Variants in SLC12A3 observed in about 807,000 individuals in gnomAD.
The protein encoded by SLC12A3 is solute carrier family 12 member 3, also known as Na-Cl cotransporter.
In SLC12A3, 104 loss-of-function variants were observed where a neutral mutation model predicts 121.0. The observed-to-expected ratio is 0.86, with a 90% CI of 0.73 to 1.01. The LOEUF is 1.01. Among genes scored for constraint, SLC12A3 ranks in the 50% least tolerant of loss-of-function variants. The pLI, the probability that SLC12A3 is intolerant of heterozygous loss-of-function variation, is 0.00. For synonymous variants in SLC12A3, 536 were observed against 533.4 expected (o/e 1.00, Z -0.07); for missense variants, 1,328 against 1,356.3 (o/e 0.98, Z 0.33).
In SLC12A3 at chr16:56,882,476, G is replaced by A. The variant is rs563131364; in HGVS notation, c.1648G>A (p.Ala550Thr). The change falls in exon 13 of 26, where the codon GCC (alanine) becomes ACC (threonine). Residue 550 changes from alanine to threonine, a missense_variant. Coordinates refer to ENST00000563236, the MANE Select transcript of SLC12A3 (RefSeq NM_001126108.2). ...YALINFSCFH[A>T]SITNSPGWRP... ...CCTCATCAACTTCAGCTGCTTCCACGCCTCCATCACCAACTCGCCTGGTAA... is the reference window on the plus strand; with the variant it reads ...CCTCATCAACTTCAGCTGCTTCCACACCTCCATCACCAACTCGCCTGGTAA... 1.4e-4 allele frequency: 222 copies of A among 1,613,764 alleles called. No homozygotes were observed. Among genetic ancestry groups the A allele is most frequent in the Admixed American group, 1.2e-3 (72 of 60,000 alleles).
At chr16:56,881,994 A>G (rs1260299948) in intron 12 of SLC12A3, among the ~76,000 whole-genome samples, 1 of 151,394 alleles carries the variant, frequency 6.6e-6, no homozygotes, top group African/African-American at 2.4e-5. Context: ...GGTTGCAGTG[A>G]GCCGAGATCA....
In SLC12A3 at chr16:56,865,428, C is replaced by G. The variant is rs1964329481; in HGVS notation, c.193C>G (p.Pro65Ala). 1 of 1,614,040 alleles carries G rather than the reference C, an allele frequency of 6.2e-7. No homozygotes were observed. The highest frequency in any genetic ancestry group is 1.3e-5 in the African/African-American group (1 of 74,938). ...TFGYNTIDVV[P>A]TYEHYANSTQ... ...TGGCTACAACACGATCGATGTGGTGCCCACATATGAGCACTATGCCAACAG... is the reference window on the plus strand; with the variant it reads ...TGGCTACAACACGATCGATGTGGTGGCCACATATGAGCACTATGCCAACAG... The change falls in exon 1 of 26, where the codon CCC (proline) becomes GCC (alanine). Residue 65 changes from proline (P) to alanine (A), a missense_variant. By Grantham distance (27) the Pro-to-Ala change is conservative (BLOSUM62 -1). Transcript: ENST00000563236.
chr16:56,889,694 C>T lies in SLC12A3; in HGVS notation c.2286-580C>T, dbSNP rs567865573. Reference sequence around the variant, plus strand: ...TTTGCCATGTTGGCCAGGCTGGTCTCGAACTCCTGACCTCAGGTGATCCGC... The same window carrying T: ...TTTGCCATGTTGGCCAGGCTGGTCTTGAACTCCTGACCTCAGGTGATCCGC... On this transcript the variant is annotated intron_variant, in intron 18 of 25. Coordinates refer to ENST00000563236, the MANE Select transcript of SLC12A3 (RefSeq NM_001126108.2). 2.6e-5 allele frequency among the ~76,000 whole-genome samples: 4 copies of T among 152,252 alleles called. No individual in the cohort carries two copies. The East Asian group carries it at 7.7e-4, about 29-fold the overall frequency.
intron 11 of SLC12A3, 113 bp downstream of exon 11, chr16:56,879,762 G>C (rs2044510896): frequency 1.3e-6 from 1 of 785,662 alleles, no homozygotes; most frequent in African/African-American, 1.7e-5. Context: ...TCATTAGACT[G>C]GGGTCTCTAG....
At position 56,865,278 on chromosome 16, in the gene SLC12A3, T is replaced by C. The variant is rs2144677701; in HGVS notation, c.43T>C (p.Leu15=). 1.9e-6 allele frequency: 3 copies of C among 1,613,926 alleles called. No individual in the cohort carries two copies. Among genetic ancestry groups the C allele is most frequent in the Non-Finnish European group, 2.5e-6 (3 of 1,180,040 alleles). ...AACAGAGACGCCTGGGGACGCCACT[T>C]TGTGCAGCGGGCGCTTCACCATCAG... is the stretch of plus-strand genomic sequence containing the variant. The part of the protein sequence containing the change: ...PTTETPGDAT[L]CSGRFTISTL... Residue 15 remains leucine, a synonymous_variant, in exon 1 of 26, where the codon TTG becomes CTG. Transcript: ENST00000563236.
chr16:56,912,102 G>A (rs1233092046), intron 25 of SLC12A3, among the ~76,000 whole-genome samples: 1 of 152,276 alleles, frequency 6.6e-6, no homozygotes, highest in African/African-American at 2.4e-5. Flanking sequence ...CTGTGAAGGA[G>A]CGCGGTGCTG....
In SLC12A3 at chr16:56,913,341, T is replaced by G; in HGVS notation, c.3002T>G (p.Leu1001Arg). ...MAWLETLSQDLRPPVILIRGN... is the reference protein window; with the variant it reads ...MAWLETLSQDRRPPVILIRGN... The stretch of plus-strand genomic sequence containing the variant: ...TGGCTGGAGACCCTGTCCCAGGACC[T>G]CAGACCTCCAGTCATCCTGATCCGA... The change falls in exon 26 of 26, where the codon CTC (leucine) becomes CGC (arginine). Residue 1001 changes from leucine to arginine, a missense_variant. Physicochemically the swap from Leu to Arg is moderately radical, Grantham distance 102. Coordinates refer to ENST00000563236, the MANE Select transcript of SLC12A3 (RefSeq NM_001126108.2). The G allele has an allele frequency of 6.2e-7, 1 of 1,614,178 alleles. No individual in the cohort carries two copies. Among genetic ancestry groups the G allele is most frequent in the Non-Finnish European group, 8.5e-7 (1 of 1,180,008 alleles).
At chr16:56,875,160 T>C (rs979845045) in intron 8 of SLC12A3, among the ~76,000 whole-genome samples, 10 of 152,292 alleles carry the variant, frequency 6.6e-5, no homozygotes, top group Non-Finnish European at 1.5e-4. Context: ...CTGTCCTAAA[T>C]GCCCTCAAGC....
At chr16:56,887,798 A>AT (rs1211988197) in intron 17 of SLC12A3, 127 bp from the exon 18 acceptor site, 6,132 of 68,716 alleles carry the variant, frequency 0.089, 813 homozygotes, top group Non-Finnish European at 0.12. Flanking sequence ...ATATATATAT[A>AT]TTTTTTTTTT....
chr16:56,878,016 C>T lies in SLC12A3; in HGVS notation c.1096-61C>T, dbSNP rs1335156113. 6 of 863,160 alleles carry T rather than the reference C, an allele frequency of 7.0e-6. No homozygotes were observed. In the South Asian group the frequency reaches 7.9e-5, roughly 11 times the overall value. 53.5% of individuals were successfully genotyped at this position (863,160 alleles called of 1,614,324 possible). On this transcript the variant is annotated intron_variant, in intron 8 of 25. Transcript: ENST00000563236. Reference sequence around the variant, plus strand: ...GGAGGCCCAGGGGCTGCCTAATGTCCTCCGTCCCTCCCTCCCTCTCTCCCT... The same window carrying T: ...GGAGGCCCAGGGGCTGCCTAATGTCTTCCGTCCCTCCCTCCCTCTCTCCCT...
At chr16:56,896,501 C>T (rs1359689759) in intron 22 of SLC12A3, among the ~76,000 whole-genome samples, 2 of 152,214 alleles carry the variant, frequency 1.3e-5, no homozygotes, top group East Asian at 3.8e-4. Context: ...TCTTGGCACT[C>T]TGGCAGCAGG....
In SLC12A3 at chr16:56,906,620, C is replaced by T. The variant is rs543458990; in HGVS notation, c.2924+2158C>T. 8.6e-4 allele frequency: 321 copies of T among 372,560 alleles called. 2 individuals are homozygous for T. The South Asian group carries it at 0.01, about 12-fold the overall frequency. 23.1% of individuals were successfully genotyped at this position (372,560 alleles called of 1,614,324 possible). ...AACAAATGGTCGTCTATGTCCTTCA[C>T]CCTGGGAAGGCAACAGTACCTAAGA... On this transcript the variant is annotated intron_variant, in intron 25 of 25. Transcript: ENST00000563236.
At chr16:56,874,135 G>A (rs2055137967) in intron 8 of SLC12A3, among the ~76,000 whole-genome samples, 1 of 152,248 alleles carries the variant, frequency 6.6e-6, no homozygotes, top group South Asian at 2.1e-4. Context: ...CTGGAGAACG[G>A]AGACTTGCCT....
At chr16:56,866,418 C>T (rs545363905) in intron 1 of SLC12A3, among the ~76,000 whole-genome samples, 5 of 152,182 alleles carry the variant, frequency 3.3e-5, no homozygotes, top group Non-Finnish European at 5.9e-5. Context: ...CAGAGGAGGG[C>T]GTCAGTCACT....
At position 56,893,913 on chromosome 16, in the gene SLC12A3, G is replaced by A. The variant is rs376978715; in HGVS notation, c.2522-618G>A. 1.1e-4 allele frequency among the ~76,000 whole-genome samples: 17 copies of A among 151,922 alleles called. No homozygotes were observed. The East Asian group carries it at 2.1e-3, about 19-fold the overall frequency. On this transcript the variant is annotated intron_variant, in intron 21 of 25. Coordinates refer to ENST00000563236, the MANE Select transcript of SLC12A3 (RefSeq NM_001126108.2). Reference sequence around the variant, plus strand: ...CTGCCTCAGCCTCCTGAGTAGCTGGGACTACAGGCGGCTGCCACCACACCC... The same window carrying A: ...CTGCCTCAGCCTCCTGAGTAGCTGGAACTACAGGCGGCTGCCACCACACCC...
intron 6 of SLC12A3, among the ~76,000 whole-genome samples, chr16:56,871,225 T>C (rs193106673): frequency 2.0e-4 from 31 of 152,310 alleles, no homozygotes; most frequent in African/African-American, 7.0e-4. Flanking sequence ...TCCTTCCATC[T>C]TGTGCTCCCT....
intron 13 of SLC12A3, 90 bp downstream of exon 13, chr16:56,882,587 G>T: frequency 1.0e-6 from 1 of 955,898 alleles, no homozygotes. Context: ...CATGGGTGGA[G>T]GTTGGCAGCC....
At chr16:56,873,709 T>TC (rs34905421) in intron 8 of SLC12A3, among the ~76,000 whole-genome samples, 2 of 45,880 alleles carry the variant, frequency 4.4e-5, no homozygotes, top group Non-Finnish European at 1.0e-4. Context: ...TTTTATTTTA[T>TC]TTTTTTTTTT....
chr16:56,892,626 G>GGT (rs2055404371), intron 20 of SLC12A3, among the ~76,000 whole-genome samples: 2 of 152,142 alleles, frequency 1.3e-5, no homozygotes, highest in Non-Finnish European at 2.9e-5. Flanking sequence ...CGGGAGACAG[G>GGT]GGGCCTGAAG....
Sources: allele counts gnomAD v4.1 joint callset (sites outside exome capture counted in the v4.1 genomes callset), GRCh38; gene constraint gnomAD v4.1.1; transcripts MANE v1.5; gene names NCBI Gene and HGNC (gene_info 2026-07-23, HGNC 2026-07-21).